The following NRXN1 variants were observed in gnomAD, a reference collection of about 807,000 sequenced individuals.
NRXN1 encodes neurexin-1.
NRXN1 carries 39 observed loss-of-function variants against 150.9 expected under a neutral mutation model. The observed-to-expected ratio is 0.26, with a 90% CI of 0.20 to 0.34. The LOEUF is 0.34. Among genes scored for constraint, NRXN1 ranks in the 10% least tolerant of loss-of-function variants. NRXN1 has a pLI of 1.00. For missense variants in NRXN1, 1,815 were observed against 1,949.9 expected (o/e 0.93, Z 1.30); for synonymous variants, 924 against 757.0 (o/e 1.22, Z -3.62).
chr2:50,676,733 A>G (rs898210194), intron 5 of NRXN1, among the ~76,000 whole-genome samples: 3 of 152,160 alleles, frequency 2.0e-5, no homozygotes, highest in African/African-American at 7.2e-5. Flanking sequence ...AAGAGTTCCA[A>G]AGAAAGGAAA....
intron 5 of NRXN1, chr2:50,829,583 A>G: frequency 6.8e-6 from 11 of 1,612,058 alleles, no homozygotes; most frequent in African/African-American, 1.3e-5. Flanking sequence ...CCATGTAGCC[A>G]TCGTCTGTGC....
At chr2:50,109,528 T>A (rs1380697338) in intron 18 of NRXN1, among the ~76,000 whole-genome samples, 1 of 151,990 alleles carries the variant, frequency 6.6e-6, no homozygotes. Flanking sequence ...AAATTGTTTA[T>A]CAGTTTGCGG....
intron 2 of NRXN1, chr2:50,979,163 C>A: frequency 4.2e-6 from 2 of 473,716 alleles, no homozygotes; most frequent in South Asian, 1.6e-5. Flanking sequence ...AAACACATAA[C>A]TTACATGGTC....
chr2:50,699,449 G>A (rs923269126), intron 5 of NRXN1, among the ~76,000 whole-genome samples: 1 of 152,120 alleles, frequency 6.6e-6, no homozygotes, highest in African/African-American at 2.4e-5. Context: ...CAGGAGCTTT[G>A]TTTGGAGCAG....
intron 5 of NRXN1, among the ~76,000 whole-genome samples, chr2:50,899,990 A>C (rs1682669377): frequency 6.6e-6 from 1 of 152,202 alleles, no homozygotes; most frequent in African/African-American, 2.4e-5. Context: ...ATAACTGAAG[A>C]GACAAGACAT....
intron 4 of NRXN1, among the ~76,000 whole-genome samples, chr2:50,922,301 A>C (rs1348174652): frequency 2.0e-5 from 3 of 151,826 alleles, no homozygotes; most frequent in Non-Finnish European, 4.4e-5. Flanking sequence ...TAAACTGAGG[A>C]TCTTCTTTCA....
chr2:50,573,432 A>T (rs1670950450), intron 8 of NRXN1, among the ~76,000 whole-genome samples: 1 of 152,036 alleles, frequency 6.6e-6, no homozygotes, highest in African/African-American at 2.4e-5. Context: ...AAGGACCTGG[A>T]TGGGAAAACA....
At chr2:50,911,493 G>A (rs1314993868) in intron 5 of NRXN1, among the ~76,000 whole-genome samples, 1 of 151,460 alleles carries the variant, frequency 6.6e-6, no homozygotes, top group Non-Finnish European at 1.5e-5. Context: ...AGAATCCATG[G>A]ACCAAATTTC....
At chr2:50,703,999 G>T (rs1264744787) in intron 5 of NRXN1, among the ~76,000 whole-genome samples, 2 of 152,062 alleles carry the variant, frequency 1.3e-5, no homozygotes, top group African/African-American at 4.8e-5. Flanking sequence ...ATCTAGGGGA[G>T]CCAGCTCTGA....
At chr2:50,264,783 T>C (rs2068667001) in intron 17 of NRXN1, among the ~76,000 whole-genome samples, 1 of 151,848 alleles carries the variant, frequency 6.6e-6, no homozygotes, top group Non-Finnish European at 1.5e-5. Flanking sequence ...CAGTAAAGAG[T>C]TATAATCTAG....
intron 17 of NRXN1, among the ~76,000 whole-genome samples, chr2:50,240,815 T>C (rs1195327638): frequency 2.6e-5 from 4 of 151,740 alleles, no homozygotes; most frequent in African/African-American, 9.7e-5. Flanking sequence ...TAACATTTAG[T>C]CCATTTCCTA....
chr2:50,866,450 T>C (rs1185634091), intron 5 of NRXN1, among the ~76,000 whole-genome samples: 1 of 151,940 alleles, frequency 6.6e-6, no homozygotes, highest in Non-Finnish European at 1.5e-5. Context: ...GAGTTAAAAT[T>C]TTCTAAGGAG....
chr2:50,956,696 G>A (rs1186073381), intron 2 of NRXN1, among the ~76,000 whole-genome samples: 2 of 151,684 alleles, frequency 1.3e-5, no homozygotes, highest in Non-Finnish European at 2.9e-5. Context: ...TGCAGTGGGC[G>A]ACAGAGTGAG....
intron 18 of NRXN1, among the ~76,000 whole-genome samples, chr2:50,210,421 C>A (rs1156395029): frequency 6.6e-6 from 1 of 151,530 alleles, no homozygotes; most frequent in African/African-American, 2.4e-5. Flanking sequence ...TTAATTGCAC[C>A]CACATTCACA....
At chr2:50,866,374 G>A (rs1180802561) in intron 5 of NRXN1, among the ~76,000 whole-genome samples, 1 of 151,790 alleles carries the variant, frequency 6.6e-6, no homozygotes, top group Non-Finnish European at 1.5e-5. Context: ...ACAGCTTTTT[G>A]CAGTTAAATT....
At chr2:50,706,093 C>G (rs1347464979) in intron 5 of NRXN1, among the ~76,000 whole-genome samples, 2 of 152,148 alleles carry the variant, frequency 1.3e-5, no homozygotes, top group East Asian at 3.9e-4. Context: ...CTGGTGTCTA[C>G]TAGACATTGC....
chr2:50,402,472 A>G (rs528584543), intron 17 of NRXN1, among the ~76,000 whole-genome samples: 24 of 152,250 alleles, frequency 1.6e-4, no homozygotes, highest in African/African-American at 5.8e-4. Flanking sequence ...CGGAATAAAT[A>G]GAATGTGGGG....
At chr2:50,807,293 C>T (rs963330273) in intron 5 of NRXN1, among the ~76,000 whole-genome samples, 4 of 151,964 alleles carry the variant, frequency 2.6e-5, no homozygotes, top group African/African-American at 9.7e-5. Flanking sequence ...TGACAGATTC[C>T]AGCTTTGGTA....
At chr2:50,105,624 C>T (rs1218572624) in intron 18 of NRXN1, among the ~76,000 whole-genome samples, 1 of 151,950 alleles carries the variant, frequency 6.6e-6, no homozygotes, top group East Asian at 1.9e-4. Flanking sequence ...CAAGGTTAGT[C>T]ATGGAGTTTT....
Sources: allele counts gnomAD v4.1 joint callset (sites outside exome capture counted in the v4.1 genomes callset), GRCh38; gene constraint gnomAD v4.1.1; transcripts MANE v1.5; gene names NCBI Gene and HGNC (gene_info 2026-07-23, HGNC 2026-07-21).